The following RIMS2 variants were observed in gnomAD, a reference collection of about 807,000 sequenced individuals.
RIMS2 encodes the protein regulating synaptic membrane exocytosis 2, also known as regulating synaptic membrane exocytosis protein 2.
A neutral mutation model predicts 174.4 loss-of-function variants in RIMS2; 59 were observed. That is an observed-to-expected ratio of 0.34 (90% CI 0.27 to 0.42). The LOEUF is 0.42. Among genes scored for constraint, RIMS2 ranks in the 10% least tolerant of loss-of-function variants. The pLI is 1.00. For missense variants in RIMS2, 1,620 were observed against 1,666.3 expected (o/e 0.97, Z 0.48); for synonymous variants, 606 against 572.5 (o/e 1.06, Z -0.84).
intron 4 of RIMS2, among the ~76,000 whole-genome samples, chr8:103,904,085 C>T (rs1328435580): frequency 6.6e-6 from 1 of 152,074 alleles, no homozygotes; most frequent in Non-Finnish European, 1.5e-5. Flanking sequence ...CTTCCTCTTT[C>T]TAATGACATC....
At chr8:104,015,610 CT>C (rs891274635) in intron 19 of RIMS2, among the ~76,000 whole-genome samples, 3 of 151,806 alleles carry the variant, frequency 2.0e-5, no homozygotes, top group Non-Finnish European at 2.9e-5. Flanking sequence ...AAGTATTCAA[CT>C]TTTTTTTAAC....
chr8:103,520,714 A>G lies in RIMS2; in HGVS notation c.176+19652A>G, dbSNP rs568820499. Among the ~76,000 whole-genome samples the G allele has an allele frequency of 2.6e-5, 4 of 152,276 alleles. No homozygotes were observed. In the East Asian group the frequency reaches 7.7e-4, roughly 29 times the overall value. On this transcript the variant is annotated intron_variant, in intron 1 of 23. Coordinates refer to ENST00000504942, the Ensembl canonical transcript of RIMS2. ...GGACTTACCATGTAGTTTGAGAAGTATGTATTTCAAGGCTGTTCATTACTT... is the reference window on the plus strand; with the variant it reads ...GGACTTACCATGTAGTTTGAGAAGTGTGTATTTCAAGGCTGTTCATTACTT...
intron 1 of RIMS2, among the ~76,000 whole-genome samples, chr8:103,650,908 T>C (rs1248161894): frequency 6.6e-6 from 1 of 152,148 alleles, no homozygotes; most frequent in Non-Finnish European, 1.5e-5. Context: ...TGAGGCACCA[T>C]GTAAGTGGGG....
chr8:103,545,868 C>T (rs372213636), intron 1 of RIMS2, among the ~76,000 whole-genome samples: 1 of 152,184 alleles, frequency 6.6e-6, no homozygotes, highest in African/African-American at 2.4e-5. Context: ...CCTTACCTAC[C>T]TACCTCTCTG....
At chr8:103,624,066 C>G (rs1289844555) in intron 1 of RIMS2, among the ~76,000 whole-genome samples, 1 of 151,998 alleles carries the variant, frequency 6.6e-6, no homozygotes, top group African/African-American at 2.4e-5. Flanking sequence ...AGCTACAAAC[C>G]CATAGTAAGC....
intron 4 of RIMS2, among the ~76,000 whole-genome samples, chr8:103,906,982 T>G (rs1218639590): frequency 6.6e-6 from 1 of 152,232 alleles, no homozygotes; most frequent in Non-Finnish European, 1.5e-5. Flanking sequence ...AGCACTTCTC[T>G]AGCCCACAGA....
chr8:103,717,691 T>C lies in RIMS2; in HGVS notation c.387+20395T>C, dbSNP rs369361538. On this transcript the variant is annotated intron_variant, in intron 2 of 23. Transcript: ENST00000504942. ...TAAGATTTCATAATATAACAGTCTA[T>C]ATTTCAAACTAAATATTGACTACAA... Among the ~76,000 whole-genome samples, 7 of 152,360 alleles carry C rather than the reference T, an allele frequency of 4.6e-5. 1 individual carries two copies. The highest frequency in any genetic ancestry group is 1.7e-4 in the African/African-American group (7 of 41,596).
chr8:103,579,251 T>A (rs547269995), intron 1 of RIMS2, among the ~76,000 whole-genome samples: 1,732 of 131,586 alleles, frequency 0.013, 41 homozygotes, highest in African/African-American at 0.047. Context: ...CCTCTCTCTC[T>A]GTCTCTGTCT....
At chr8:104,173,502 A>G (rs1444839578) in intron 19 of RIMS2, among the ~76,000 whole-genome samples, 1 of 149,524 alleles carries the variant, frequency 6.7e-6, no homozygotes, top group East Asian at 2.0e-4. Context: ...TTTTTTTACT[A>G]TGGTTTTGAT....
chr8:103,975,652 A>G (rs963894069), intron 16 of RIMS2, 146 bp downstream of exon 18: 2 of 555,296 alleles, frequency 3.6e-6, no homozygotes, highest in Non-Finnish European at 3.1e-6. Flanking sequence ...AAGTCCCACC[A>G]TAGAATTTCT....
chr8:104,226,890 G>A (rs2099191065), intron 19 of RIMS2, among the ~76,000 whole-genome samples: 4 of 152,244 alleles, frequency 2.6e-5, no homozygotes, highest in South Asian at 2.1e-4. Flanking sequence ...TACTCTATAT[G>A]TTGCTTCTTC....
At chr8:103,673,824 G>A (rs2096775450) in intron 1 of RIMS2, among the ~76,000 whole-genome samples, 1 of 152,152 alleles carries the variant, frequency 6.6e-6, no homozygotes, top group African/African-American at 2.4e-5. Context: ...TCCCATAAAA[G>A]CTTTTTCTTT....
intron 1 of RIMS2, among the ~76,000 whole-genome samples, chr8:103,549,232 T>A (rs1331138561): frequency 6.6e-6 from 1 of 152,140 alleles, no homozygotes; most frequent in Non-Finnish European, 1.5e-5. Flanking sequence ...ATGGTCGGGT[T>A]ACCCACAAAG....
At chr8:103,804,285 CA>C (rs1364624487) in intron 3 of RIMS2, among the ~76,000 whole-genome samples, 1 of 152,066 alleles carries the variant, frequency 6.6e-6, no homozygotes, top group East Asian at 1.9e-4. Flanking sequence ...ATCAAAAAGG[CA>C]AATAACATTT....
intron 18 of RIMS2, among the ~76,000 whole-genome samples, 197 bp downstream of exon 20, chr8:104,013,818 T>G (rs1358673560): frequency 1.3e-5 from 2 of 152,194 alleles, no homozygotes; most frequent in Admixed American, 1.3e-4. Flanking sequence ...ATTTGTTTAT[T>G]AACTGTCCTG....
chr8:103,578,172 A>G (rs971329859), intron 1 of RIMS2, among the ~76,000 whole-genome samples: 2 of 152,218 alleles, frequency 1.3e-5, no homozygotes, highest in East Asian at 1.9e-4. Flanking sequence ...CCCAAGGCAC[A>G]TAATCAAATT....
chr8:103,796,706 T>C (rs951199500), intron 3 of RIMS2, among the ~76,000 whole-genome samples: 4 of 152,236 alleles, frequency 2.6e-5, no homozygotes, highest in African/African-American at 9.6e-5. Context: ...TGATTGTGTG[T>C]CAGATTTCTA....
chr8:103,746,774 G>A (rs963888245), intron 2 of RIMS2, among the ~76,000 whole-genome samples: 22 of 151,836 alleles, frequency 1.4e-4, no homozygotes, highest in Non-Finnish European at 2.9e-4. Flanking sequence ...TCCGCCTCCC[G>A]GGTTCAAGCG....
chr8:104,001,085 A>G (rs556590602), intron 17 of RIMS2, among the ~76,000 whole-genome samples: 2 of 151,720 alleles, frequency 1.3e-5, no homozygotes, highest in African/African-American at 4.8e-5. Flanking sequence ...CTCATTTGTC[A>G]ATTTTTGCTT....
Sources: allele counts gnomAD v4.1 joint callset (sites outside exome capture counted in the v4.1 genomes callset), GRCh38; gene constraint gnomAD v4.1.1; transcripts MANE v1.5; gene names NCBI Gene and HGNC (gene_info 2026-07-23, HGNC 2026-07-21).